ARMH1: variants seen among roughly 807,000 people sequenced by gnomAD.
The protein encoded by ARMH1 is armadillo-like helical domain containing protein 1.
A neutral mutation model predicts 50.2 loss-of-function variants in ARMH1; 34 were observed. The observed-to-expected ratio is 0.68, with a 90% CI of 0.51 to 0.90. The LOEUF is 0.90. ARMH1 is among the 40% of genes least tolerant of loss of function. ARMH1 has a pLI of 0.00. For missense variants in ARMH1, 538 were observed against 553.9 expected (o/e 0.97, Z 0.29); for synonymous variants, 221 against 224.2 (o/e 0.99, Z 0.13).
intron 4 of ARMH1, among the ~76,000 whole-genome samples, chr1:44,699,522 T>C (rs1645961988): frequency 6.6e-6 from 1 of 151,956 alleles, no homozygotes; most frequent in Non-Finnish European, 1.5e-5. Flanking sequence ...CAATATCAGC[T>C]CACTGCAACC....
intron 6 of ARMH1, among the ~76,000 whole-genome samples, chr1:44,706,064 G>T (rs1343545150): frequency 6.6e-6 from 1 of 152,196 alleles, no homozygotes; most frequent in Non-Finnish European, 1.5e-5. Context: ...TGCCATGTAG[G>T]TAGGTGGCAG....
chr1:44,708,087 C>T (rs1646424278), intron 6 of ARMH1, among the ~76,000 whole-genome samples: 1 of 152,228 alleles, frequency 6.6e-6, no homozygotes, highest in Admixed American at 6.5e-5. Flanking sequence ...CACTGTTTCA[C>T]ATGGTCAGAG....
intron 1 of ARMH1, among the ~76,000 whole-genome samples, chr1:44,687,684 C>T (rs970973371): frequency 2.0e-5 from 3 of 152,186 alleles, no homozygotes; most frequent in African/African-American, 4.8e-5. Flanking sequence ...CCTGCAGCAT[C>T]GTATTCATCT....
In ARMH1 at chr1:44,725,284, C is replaced by A. The variant is rs369938740; in HGVS notation, c.1211-7C>A. The A allele has an allele frequency of 1.5e-5, 23 of 1,551,722 alleles. No individual in the cohort carries two copies. In the East Asian group the frequency reaches 1.7e-4, roughly 12 times the overall value. The stretch of plus-strand genomic sequence containing the variant: ...CACAGCCTCACGCCCGCCTTTCCTG[C>A]CTGCAGCCCTGTGCCTCCATGGCAG... On this transcript the variant is annotated splice_region_variant and splice_polypyrimidine_tract_variant and intron_variant, in intron 11 of 11. Transcript: ENST00000535358.
chr1:44,694,644 G>A (rs1226340250), intron 2 of ARMH1, among the ~76,000 whole-genome samples: 1 of 151,390 alleles, frequency 6.6e-6, no homozygotes, highest in Non-Finnish European at 1.5e-5. Context: ...CGAGTAGCTG[G>A]GATTACAGGC....
chr1:44,697,052 C>A, intron 2 of ARMH1, 50 bp from the exon 3 acceptor site: 4 of 1,407,842 alleles, frequency 2.8e-6, no homozygotes, highest in Non-Finnish European at 3.0e-6. Context: ...CGGGCTCTGG[C>A]TTCTGTGTGA....
chr1:44,697,018 C>T (rs1645849045), intron 2 of ARMH1, 84 bp from the exon 3 acceptor site: 6 of 1,036,132 alleles, frequency 5.8e-6, no homozygotes, highest in East Asian at 2.6e-5. Flanking sequence ...ACCCTGGGCC[C>T]GGGGTGGTAC....
chr1:44,721,676 C>A (rs572997278), intron 6 of ARMH1: 1 of 152,000 alleles, frequency 6.6e-6, no homozygotes, highest in Non-Finnish European at 1.5e-5. Context: ...TTGTAGTGAG[C>A]CGCGACCACA....
chr1:44,707,433 T>G (rs1174064516), intron 6 of ARMH1, among the ~76,000 whole-genome samples: 1 of 152,074 alleles, frequency 6.6e-6, no homozygotes, highest in East Asian at 1.9e-4. Context: ...GAAAAAAAAA[T>G]CTTATTTCTT....
At chr1:44,704,327 A>C (rs1275503003) in intron 6 of ARMH1, among the ~76,000 whole-genome samples, 154 bp downstream of exon 6, 1 of 152,108 alleles carries the variant, frequency 6.6e-6, no homozygotes, top group East Asian at 1.9e-4. Context: ...AGTCACACCT[A>C]TGCCTTGCGT....
chr1:44,700,428 T>G (rs187171360), intron 4 of ARMH1, among the ~76,000 whole-genome samples: 7 of 152,008 alleles, frequency 4.6e-5, no homozygotes, highest in Non-Finnish European at 1.0e-4. Flanking sequence ...CCATCCTGGC[T>G]AACACTGTGA....
intron 6 of ARMH1, chr1:44,723,816 C>G (rs1480129071): frequency 3.2e-6 from 1 of 315,732 alleles, no homozygotes; most frequent in Non-Finnish European, 5.8e-6. Flanking sequence ...CAGCCCTTCC[C>G]TCCTCCATGA....
chr1:44,724,832 T>TCTTCCTGGTAAGTGCGCC lies in ARMH1; in HGVS notation c.1128+1_1128+18dup. The TCTTCCTGGTAAGTGCGCC allele has an allele frequency of 6.5e-7, 1 of 1,540,218 alleles. No homozygotes were observed. The highest frequency in any genetic ancestry group is 8.7e-7 in the Non-Finnish European group (1 of 1,146,184). ...TGCATGGGGGAGGAACTCTACCAGC[T>TCTTCCTGGTAAGTGCGCC]CTTCCTGGTAAGTGCGCCCTTCCTG... On this transcript the variant is annotated inframe_insertion, in exon 10 of 12. Transcript: ENST00000535358. This position sits in a 1 kb window ranked among gnomAD's most constrained non-coding sequence, Gnocchi z 6.4.
intron 5 of ARMH1, among the ~76,000 whole-genome samples, chr1:44,701,389 G>A (rs1009640562): frequency 4.6e-5 from 7 of 152,316 alleles, no homozygotes; most frequent in South Asian, 4.1e-4. Context: ...TGATGAAAGG[G>A]CTGTAGAAAA....
Position 44,709,468 on chromosome 1 carries a change from C to T in ARMH1, c.724+5295C>T, listed in dbSNP as rs180790345. Among the ~76,000 whole-genome samples, 1,161 of 152,208 alleles carry T rather than the reference C, an allele frequency of 7.6e-3. 13 individuals are homozygous for T. The highest frequency in any genetic ancestry group is 0.026 in the African/African-American group (1,068 of 41,516). ...GGGGCGGATCACGAGGTCAGGAGAT[C>T]GAGACCATCCTGGCTAACACGGTGA... On this transcript the variant is annotated intron_variant, in intron 6 of 11. Coordinates refer to ENST00000535358, the MANE Select transcript of ARMH1 (RefSeq NM_001145636.2).
intron 1 of ARMH1, among the ~76,000 whole-genome samples, chr1:44,686,818 G>A (rs1425824567): frequency 6.6e-6 from 1 of 152,174 alleles, no homozygotes; most frequent in African/African-American, 2.4e-5. Context: ...GCATGCGCCT[G>A]TAGCCCCAGC....
chr1:44,725,130 C>T lies in ARMH1; in HGVS notation c.1129-6C>T, dbSNP rs1433980687. 1.3e-6 allele frequency: 2 copies of T among 1,551,792 alleles called. No individual in the cohort carries two copies. The highest frequency in any genetic ancestry group is 1.7e-6 in the Non-Finnish European group (2 of 1,147,034). Reference sequence around the variant, plus strand: ...CCAGCCGGGTCCCCCTTGCTCCTGTCCTCAGAGCAACGCTGAGGACTTGTA... The same window carrying T: ...CCAGCCGGGTCCCCCTTGCTCCTGTTCTCAGAGCAACGCTGAGGACTTGTA... On this transcript the variant is annotated splice_polypyrimidine_tract_variant and splice_region_variant and intron_variant, in intron 10 of 11. Coordinates refer to ENST00000535358, the MANE Select transcript of ARMH1 (RefSeq NM_001145636.2).
chr1:44,701,013 G>A lies in ARMH1; in HGVS notation c.533G>A (p.Gly178Asp), dbSNP rs865964741. 3 of 1,551,638 alleles carry A rather than the reference G, an allele frequency of 1.9e-6. No individual in the cohort carries two copies. Among genetic ancestry groups the A allele is most frequent in the Non-Finnish European group, 2.6e-6 (3 of 1,146,986 alleles). Residue 178 changes from glycine to aspartate, a missense_variant, in exon 5 of 12, where the codon GGC becomes GAC. Physicochemically the swap from Gly to Asp is moderately conservative, Grantham distance 94. Transcript: ENST00000535358. ...VQVLLDSLVH[G>D]NPKYQNQVYK... ...GTTCTGTTGGATTCTTTGGTCCACG[G>A]CAATCCCAAGTACCAAAATCAAGTG...
At chr1:44,698,843 A>G (rs1645922844) in intron 4 of ARMH1, among the ~76,000 whole-genome samples, 1 of 150,578 alleles carries the variant, frequency 6.6e-6, no homozygotes, top group South Asian at 2.1e-4. Flanking sequence ...TGAATTATGA[A>G]TAACTCAAGA....
Sources: allele counts gnomAD v4.1 joint callset (sites outside exome capture counted in the v4.1 genomes callset), GRCh38; gene constraint gnomAD v4.1.1; non-coding constraint Gnocchi (gnomAD v3.1); transcripts MANE v1.5; gene names NCBI Gene and HGNC (gene_info 2026-07-23, HGNC 2026-07-21).